TAFA1: variants seen among roughly 807,000 people sequenced by gnomAD.
TAFA1 encodes the protein chemokine-like protein TAFA-1.
A neutral mutation model predicts 18.5 loss-of-function variants in TAFA1; 4 were observed. The observed-to-expected ratio is 0.22, with a 90% CI of 0.11 to 0.49. TAFA1 has a LOEUF of 0.49. TAFA1 is among the 20% of genes least tolerant of loss of function. The pLI is 0.98. For missense variants in TAFA1, 147 were observed against 169.0 expected, an observed-to-expected ratio of 0.87 and a Z score of 0.72; for synonymous variants, 56 against 55.2, an observed-to-expected ratio of 1.01 and a Z score of -0.06.
At chr3:68,515,468 G>C (rs1454322649) in intron 3 of TAFA1, among the ~76,000 whole-genome samples, 1 of 152,124 alleles carries the variant, frequency 6.6e-6, no homozygotes, top group East Asian at 1.9e-4. Flanking sequence ...AGTATGGTTA[G>C]CTCCACCTAA....
chr3:68,529,080 C>G (rs976233188), intron 3 of TAFA1, among the ~76,000 whole-genome samples: 6 of 151,760 alleles, frequency 4.0e-5, no homozygotes, highest in Non-Finnish European at 7.4e-5. Context: ...TTGACCTACC[C>G]CATGCCACTC....
At chr3:68,320,314 CT>C (rs1237253921) in intron 2 of TAFA1, among the ~76,000 whole-genome samples, 3 of 152,168 alleles carry the variant, frequency 2.0e-5, no homozygotes, top group Non-Finnish European at 2.9e-5. Context: ...TGTTCTGAGT[CT>C]TCATGCTTTC....
chr3:68,174,637 C>T (rs1304544785), intron 2 of TAFA1, among the ~76,000 whole-genome samples: 2 of 152,204 alleles, frequency 1.3e-5, no homozygotes, highest in African/African-American at 2.4e-5. Context: ...AATTTCTAAG[C>T]AGCAAAGCAT....
chr3:68,335,816 A>G (rs940395886), intron 2 of TAFA1, among the ~76,000 whole-genome samples: 5 of 152,326 alleles, frequency 3.3e-5, no homozygotes, highest in African/African-American at 1.2e-4. Flanking sequence ...GCCCTTAGAA[A>G]AGAAGAAAAT....
At chr3:68,076,622 A>G (rs576561788) in intron 2 of TAFA1, among the ~76,000 whole-genome samples, 244 of 152,342 alleles carry the variant, frequency 1.6e-3, no homozygotes, top group Non-Finnish European at 2.4e-3. Flanking sequence ...CCATGTCCCT[A>G]CAAAGGACAT....
rs867392426 is a variant in TAFA1, at chr3:68,047,598, A to T, written c.118+40854A>T. On this transcript the variant is annotated intron_variant, in intron 2 of 4. Coordinates refer to ENST00000478136, the MANE Select transcript of TAFA1 (RefSeq NM_213609.4). ...AAACACCCTTCTCTGTTAACAGCTG[A>T]GTGGATTGGTTACACTATTTGGCTA... 3.3e-5 allele frequency among the ~76,000 whole-genome samples: 5 copies of T among 152,250 alleles called. No individual in the cohort carries two copies. In the Middle Eastern group the frequency reaches 0.01, roughly 311 times the overall value.
chr3:68,167,212 C>T (rs1368433413), intron 2 of TAFA1, among the ~76,000 whole-genome samples: 1 of 152,190 alleles, frequency 6.6e-6, no homozygotes, highest in Non-Finnish European at 1.5e-5. Flanking sequence ...GCTCTGAAAA[C>T]ATAGCTCCCA....
chr3:68,323,449 T>G (rs952277076), intron 2 of TAFA1, among the ~76,000 whole-genome samples: 9 of 151,502 alleles, frequency 5.9e-5, no homozygotes, highest in African/African-American at 2.2e-4. Context: ...AAACATTGAG[T>G]TTTTCGAGGA....
chr3:68,432,233 T>G (rs1032524543), intron 3 of TAFA1, among the ~76,000 whole-genome samples: 2 of 151,886 alleles, frequency 1.3e-5, no homozygotes, highest in Non-Finnish European at 2.9e-5. Context: ...GGTGGTCTCA[T>G]TTCATAACGT....
chr3:68,321,307 C>G (rs529818328), intron 2 of TAFA1, among the ~76,000 whole-genome samples: 2 of 152,150 alleles, frequency 1.3e-5, no homozygotes, highest in African/African-American at 4.8e-5. Flanking sequence ...AATCATAGCC[C>G]CTACTTCAAT....
chr3:68,187,862 G>A (rs2066289570), intron 2 of TAFA1, among the ~76,000 whole-genome samples: 1 of 151,938 alleles, frequency 6.6e-6, no homozygotes, highest in Admixed American at 6.6e-5. Context: ...CCATTTTAGT[G>A]AGTATTATGG....
chr3:68,283,768 G>A (rs1446011023), intron 2 of TAFA1, among the ~76,000 whole-genome samples: 1 of 152,078 alleles, frequency 6.6e-6, no homozygotes, highest in Admixed American at 6.6e-5. Flanking sequence ...AGCAGGGATG[G>A]GTAATCATTC....
intron 2 of TAFA1, among the ~76,000 whole-genome samples, chr3:68,204,235 G>T (rs1361597422): frequency 6.6e-6 from 1 of 151,666 alleles, no homozygotes; most frequent in African/African-American, 2.4e-5. Flanking sequence ...GGGTGAAGTG[G>T]CAACTTCCAA....
intron 3 of TAFA1, among the ~76,000 whole-genome samples, chr3:68,482,319 T>G (rs2072253206): frequency 6.6e-6 from 1 of 152,232 alleles, no homozygotes. Flanking sequence ...CTGCATTTAC[T>G]GGGCTCCTCC....
At position 68,019,185 on chromosome 3, in the gene TAFA1, G is replaced by A. The variant is rs80277154; in HGVS notation, c.118+12441G>A. On this transcript the variant is annotated intron_variant, in intron 2 of 4. Transcript: ENST00000478136. ...CAGGCATCTGTTTCTTGGGCAGTTAGCTTGTTGTATATCATGTAATAGTTT... is the reference window on the plus strand; with the variant it reads ...CAGGCATCTGTTTCTTGGGCAGTTAACTTGTTGTATATCATGTAATAGTTT... 4.5e-3 allele frequency among the ~76,000 whole-genome samples: 693 copies of A among 152,310 alleles called. 4 individuals are homozygous for A. The highest frequency in any genetic ancestry group is 0.015 in the African/African-American group (631 of 41,576).
At chr3:68,146,883 T>G (rs1176133955) in intron 2 of TAFA1, among the ~76,000 whole-genome samples, 1 of 152,130 alleles carries the variant, frequency 6.6e-6, no homozygotes, top group African/African-American at 2.4e-5. Context: ...AAGCCTACCT[T>G]TATACAATAG....
At chr3:68,326,572 G>A (rs2068780953) in intron 2 of TAFA1, among the ~76,000 whole-genome samples, 1 of 152,244 alleles carries the variant, frequency 6.6e-6, no homozygotes, top group Admixed American at 6.5e-5. Context: ...CATGCTGTCT[G>A]TTAGCCATTG....
intron 2 of TAFA1, among the ~76,000 whole-genome samples, chr3:68,084,438 T>C (rs2064945727): frequency 6.6e-6 from 1 of 152,142 alleles, no homozygotes; most frequent in South Asian, 2.1e-4. Flanking sequence ...GTCCAAAAAA[T>C]TTCTCTGCCA....
Position 68,544,639 on chromosome 3 carries a change from G to A in TAFA1, c.*136G>A, listed in dbSNP as rs190090919. The A allele has an allele frequency of 3.9e-4, 329 of 836,880 alleles. 1 individual carries two copies. In the East Asian group the frequency reaches 6.9e-3, roughly 18 times the overall value. 51.8% of individuals were successfully genotyped at this position (836,880 alleles called of 1,614,324 possible). The stretch of plus-strand genomic sequence containing the variant: ...ACTGGCTACCAGATAATCACAGTGC[G>A]TTTACTGTGTGTAACGAAATATCCT... On this transcript the variant is annotated 3_prime_UTR_variant, in exon 5 of 5. Transcript: ENST00000478136.
Sources: allele counts gnomAD v4.1 joint callset (sites outside exome capture counted in the v4.1 genomes callset), GRCh38; gene constraint gnomAD v4.1.1; transcripts MANE v1.5; gene names NCBI Gene and HGNC (gene_info 2026-07-23, HGNC 2026-07-21).